The following C11orf65 variants were observed in gnomAD, a reference collection of about 807,000 sequenced individuals.
C11orf65 encodes the protein chromosome 11 open reading frame 65.
In C11orf65, 38 loss-of-function variants were observed where a neutral mutation model predicts 35.3. The ratio of observed to expected loss-of-function variants is 1.08; its 90% CI spans 0.83 to 1.41. The LOEUF is 1.41. Ranked by LOEUF, C11orf65 falls within the 40% of genes most tolerant of loss-of-function variation. The pLI, the probability that C11orf65 is intolerant of heterozygous loss-of-function variation, is 0.00. For synonymous variants in C11orf65, 105 were observed against 114.4 expected (o/e 0.92, Z 0.53); for missense variants, 370 against 367.1 (o/e 1.01, Z -0.06).
intron 6 of C11orf65, among the ~76,000 whole-genome samples, chr11:108,394,352 G>A (rs1233987416): frequency 6.7e-6 from 1 of 149,014 alleles, no homozygotes; most frequent in African/African-American, 2.5e-5. Context: ...GATCATTTGA[G>A]GCCAGGAGTT....
intron 6 of C11orf65, chr11:108,310,421 A>AT (rs2084052764): frequency 9.4e-7 from 1 of 1,060,596 alleles, no homozygotes; most frequent in African/African-American, 1.6e-5. Context: ...TTTAAAAGAT[A>AT]TTTTAGATAG....
intron 2 of C11orf65, among the ~76,000 whole-genome samples, chr11:108,361,659 C>A (rs1295568112): frequency 6.6e-6 from 1 of 151,914 alleles, no homozygotes; most frequent in African/African-American, 2.4e-5. Context: ...CTACAACTAT[C>A]TGATCTTTGA....
intron 3 of C11orf65, among the ~76,000 whole-genome samples, chr11:108,421,559 G>A (rs1158326391): frequency 6.6e-6 from 1 of 152,148 alleles, no homozygotes; most frequent in Non-Finnish European, 1.5e-5. Context: ...TTGGGAGGCT[G>A]AAGCAGGAGA....
chr11:108,396,957 T>C (rs1035597711), intron 6 of C11orf65, among the ~76,000 whole-genome samples: 4 of 152,022 alleles, frequency 2.6e-5, no homozygotes, highest in East Asian at 1.9e-4. Flanking sequence ...GTTTCAAATA[T>C]AGTGATCAGA....
intron 2 of C11orf65, among the ~76,000 whole-genome samples, chr11:108,364,645 C>T (rs965189744): frequency 2.6e-5 from 4 of 152,160 alleles, no homozygotes; most frequent in African/African-American, 7.2e-5. Flanking sequence ...TTGGAGAAGA[C>T]GGCTTAGGAG....
downstream of C11orf65, chr11:108,327,832 T>C (rs2085838719): frequency 1.8e-6 from 2 of 1,142,162 alleles, no homozygotes; most frequent in Non-Finnish European, 1.3e-6. Context: ...AAGATCAATA[T>C]ATTTCCAAAG....
intron 3 of C11orf65, among the ~76,000 whole-genome samples, chr11:108,417,329 G>A (rs1374841842): frequency 6.6e-6 from 1 of 152,082 alleles, no homozygotes; most frequent in Non-Finnish European, 1.5e-5. Context: ...GATTGCCTGA[G>A]TTCAGGAGTT....
At chr11:108,431,662 A>G in intron 3 of C11orf65, 84 bp downstream of exon 3, 1 of 719,756 alleles carries the variant, frequency 1.4e-6, no homozygotes, top group East Asian at 2.9e-5. Flanking sequence ...AAAAGAAACA[A>G]ATATGATGAG....
chr11:108,359,102 T>C (rs1200729756), intron 2 of C11orf65, among the ~76,000 whole-genome samples: 6 of 148,458 alleles, frequency 4.0e-5, no homozygotes, highest in Non-Finnish European at 6.0e-5. Context: ...TGGAGGAAGA[T>C]CTACCAAGCA....
intron 2 of C11orf65, among the ~76,000 whole-genome samples, chr11:108,338,633 A>G (rs227067): frequency 0.63 from 95,888 of 151,750 alleles, 30,717 homozygotes; most frequent in Middle Eastern, 0.77. Flanking sequence ...TCCAGTCTGG[A>G]CAACAGAGCA....
downstream of C11orf65, chr11:108,330,110 A>G: frequency 1.5e-6 from 2 of 1,350,894 alleles, no homozygotes; most frequent in Non-Finnish European, 2.1e-6. Flanking sequence ...TTTCCCTGGG[A>G]TAAAAACCCA....
intron 7 of C11orf65, among the ~76,000 whole-genome samples, chr11:108,387,148 CTTTTTTT>C (rs1175890979): frequency 1.4e-4 from 12 of 84,390 alleles, no homozygotes; most frequent in African/African-American, 4.0e-4. Context: ...TTCTTTCTTT[CTTTTTTT>C]TTTTTTTTTT....
intron 3 of C11orf65, among the ~76,000 whole-genome samples, chr11:108,427,789 A>AAT (rs1160705242): frequency 1.3e-5 from 2 of 148,176 alleles, no homozygotes; most frequent in African/African-American, 4.9e-5. Flanking sequence ...TCAAAACCAA[A>AAT]ATGAGATACC....
At chr11:108,365,579 C>T in intron 2 of C11orf65, 2 of 1,515,082 alleles carry the variant, frequency 1.3e-6, no homozygotes, top group Middle Eastern at 1.7e-4. Context: ...TTTAACCTGC[C>T]AACATACTTT....
intron 2 of C11orf65, among the ~76,000 whole-genome samples, chr11:108,362,224 A>G (rs1460743864): frequency 6.7e-6 from 1 of 148,166 alleles, no homozygotes; most frequent in Non-Finnish European, 1.5e-5. Context: ...GCCATCAGAG[A>G]AATGCAAATC....
chr11:108,443,380 A>T (rs1295643081), intron 2 of C11orf65, among the ~76,000 whole-genome samples: 1 of 152,182 alleles, frequency 6.6e-6, no homozygotes, highest in Non-Finnish European at 1.5e-5. Context: ...ATAATAGGAG[A>T]CTTTAACACC....
intron 2 of C11orf65, among the ~76,000 whole-genome samples, chr11:108,372,905 C>T (rs1045850517): frequency 5.3e-5 from 8 of 151,924 alleles, no homozygotes; most frequent in African/African-American, 1.9e-4. Flanking sequence ...GAAACCCCAT[C>T]TCTACCAAAG....
intron 8 of C11orf65, among the ~76,000 whole-genome samples, chr11:108,383,719 T>G (rs1385243675): frequency 6.6e-6 from 1 of 152,176 alleles, no homozygotes; most frequent in Non-Finnish European, 1.5e-5. Context: ...AATGCCAACA[T>G]CTTCAATGTA....
intron 6 of C11orf65, among the ~76,000 whole-genome samples, chr11:108,401,765 C>T (rs2092444203): frequency 1.3e-5 from 2 of 152,192 alleles, no homozygotes; most frequent in Admixed American, 1.3e-4. Flanking sequence ...CCCCATCGGT[C>T]TCTCTGATTC....
Sources: gnomAD v4.1 joint callset for allele counts (sites outside exome capture counted in the v4.1 genomes callset) on GRCh38, gnomAD v4.1.1 for gene constraint, MANE v1.5 for transcripts, NCBI Gene and HGNC (gene_info 2026-07-23, HGNC 2026-07-21) for gene names.